Variants in FAM124A observed in about 807,000 individuals in gnomAD.
FAM124A encodes the protein protein FAM124A.
A neutral mutation model predicts 24.5 loss-of-function variants in FAM124A; 23 were observed. The observed-to-expected ratio is 0.94, with a 90% CI of 0.68 to 1.33. The LOEUF (loss-of-function observed/expected upper bound fraction) is 1.33, where lower values mean the gene tolerates loss of function less well. Among genes scored for constraint, FAM124A ranks in the 40% most tolerant of loss-of-function variants. The pLI is 0.00. For synonymous variants in FAM124A, 287 were observed against 314.7 expected (o/e 0.91, Z 0.93); for missense variants, 623 against 722.8 (o/e 0.86, Z 1.58).
chr13:51,236,034 T>A (rs1031931586), intron 2 of FAM124A, among the ~76,000 whole-genome samples: 12 of 152,192 alleles, frequency 7.9e-5, no homozygotes, highest in African/African-American at 2.9e-4. Context: ...TCCTGCTCTG[T>A]CCCTCCAGTA....
intron 2 of FAM124A, among the ~76,000 whole-genome samples, chr13:51,242,389 A>G (rs900198440): frequency 2.6e-5 from 4 of 152,220 alleles, no homozygotes; most frequent in East Asian, 1.9e-4. Flanking sequence ...AGCATGGTAC[A>G]TTGCTGGGTG....
At chr13:51,257,489 G>T (rs760361481) in intron 3 of FAM124A, among the ~76,000 whole-genome samples, 33 of 152,224 alleles carry the variant, frequency 2.2e-4, no homozygotes, top group Non-Finnish European at 4.6e-4. Context: ...GACCATTTGT[G>T]TGCGTGTGCT....
At chr13:51,223,622 G>GGGCC (rs1954285665) in intron 1 of FAM124A, among the ~76,000 whole-genome samples, 1 of 152,088 alleles carries the variant, frequency 6.6e-6, no homozygotes, top group South Asian at 2.1e-4. Context: ...GCTCCCCACA[G>GGGCC]GGCCCCTCCT....
At chr13:51,226,952 G>C (rs934677000) in intron 1 of FAM124A, among the ~76,000 whole-genome samples, 14 of 152,312 alleles carry the variant, frequency 9.2e-5, no homozygotes, top group Admixed American at 3.3e-4. Flanking sequence ...GGGTTGGTGT[G>C]AGGATTAAAT....
chr13:51,269,952 A>G (rs1954824047), intron 3 of FAM124A, among the ~76,000 whole-genome samples: 1 of 152,244 alleles, frequency 6.6e-6, no homozygotes, highest in African/African-American at 2.4e-5. Context: ...ACGTACAGCC[A>G]GAATCCCAGG....
intron 1 of FAM124A, 129 bp downstream of exon 1, chr13:51,222,698 C>A: frequency 2.1e-6 from 2 of 955,212 alleles, no homozygotes; most frequent in Non-Finnish European, 1.3e-6. Flanking sequence ...CCTGCCGGAT[C>A]CCCCGCTCTC....
chr13:51,225,723 T>TACCC (rs1954308570), intron 1 of FAM124A, among the ~76,000 whole-genome samples: 1 of 151,720 alleles, frequency 6.6e-6, no homozygotes, highest in Non-Finnish European at 1.5e-5. Flanking sequence ...CACAGCGGGG[T>TACCC]GGTGGAGGCA....
At chr13:51,250,933 C>T (rs998506899) in intron 2 of FAM124A, among the ~76,000 whole-genome samples, 1 of 152,232 alleles carries the variant, frequency 6.6e-6, no homozygotes, top group African/African-American at 2.4e-5. Flanking sequence ...CCTTGTGCCT[C>T]ACTCCCTGTG....
intron 2 of FAM124A, among the ~76,000 whole-genome samples, chr13:51,239,698 C>T (rs1191986714): frequency 6.6e-6 from 1 of 152,112 alleles, no homozygotes; most frequent in East Asian, 1.9e-4. Context: ...AAAAACTGTA[C>T]TCTTTAAAGC....
rs139061272 is a variant in FAM124A, at chr13:51,252,064, C to A, written c.697C>A (p.Pro233Thr). Residue 233 changes from proline (P) to threonine (T), a missense_variant, in exon 3 of 4, where the codon CCC becomes ACC. Coordinates refer to ENST00000322475, the MANE Select transcript of FAM124A (RefSeq NM_001242312.2). ...KRLPCDQCPV[P>T]TDSSVLEFRV... ...ACTGCCCTGTGACCAGTGCCCGGTG[C>A]CCACCGACTCCTCCGTGCTGGAGTT... 3 of 1,613,968 alleles carry A rather than the reference C, an allele frequency of 1.9e-6. No homozygotes were observed. In the African/African-American group the frequency reaches 4.0e-5, roughly 22 times the overall value.
At chr13:51,223,546 C>G (rs1482132464) in intron 1 of FAM124A, among the ~76,000 whole-genome samples, 1 of 152,128 alleles carries the variant, frequency 6.6e-6, no homozygotes, top group Admixed American at 6.5e-5. Flanking sequence ...ATTTGGCAAC[C>G]CTGTGAGGGC....
At chr13:51,226,679 G>A (rs1179615081) in intron 1 of FAM124A, among the ~76,000 whole-genome samples, 1 of 152,178 alleles carries the variant, frequency 6.6e-6, no homozygotes, top group Non-Finnish European at 1.5e-5. Flanking sequence ...ACAGAAACAA[G>A]GGCTGTCAGG....
At chr13:51,277,783 A>G (rs984655461) in intron 3 of FAM124A, among the ~76,000 whole-genome samples, 1 of 103,842 alleles carries the variant, frequency 9.6e-6, no homozygotes, top group Non-Finnish European at 1.8e-5. Context: ...ACAGAGCGAG[A>G]CTCTGTCTCA....
intron 1 of FAM124A, among the ~76,000 whole-genome samples, chr13:51,224,803 G>A (rs914056123): frequency 2.6e-5 from 4 of 152,166 alleles, no homozygotes; most frequent in South Asian, 2.1e-4. Context: ...GGAATTTAAC[G>A]TGGCCTATAT....
intron 1 of FAM124A, among the ~76,000 whole-genome samples, chr13:51,223,793 C>T (rs1242603606): frequency 6.6e-6 from 1 of 151,676 alleles, no homozygotes; most frequent in Non-Finnish European, 1.5e-5. Context: ...CTTTCTTCTT[C>T]CCACTCTTTG....
chr13:51,278,544 A>T (rs1954906468), intron 3 of FAM124A, among the ~76,000 whole-genome samples: 1 of 152,180 alleles, frequency 6.6e-6, no homozygotes, highest in South Asian at 2.1e-4. Flanking sequence ...AGCGATGTGG[A>T]GGCTCCTCAA....
chr13:51,238,746 A>G (rs1014634108), intron 2 of FAM124A, among the ~76,000 whole-genome samples: 1 of 152,192 alleles, frequency 6.6e-6, no homozygotes, highest in African/African-American at 2.4e-5. Flanking sequence ...TTGTTATTTC[A>G]TGGTGTGGGG....
intron 2 of FAM124A, among the ~76,000 whole-genome samples, chr13:51,240,004 A>G (rs972056376): frequency 1.3e-5 from 2 of 152,230 alleles, no homozygotes; most frequent in Non-Finnish European, 2.9e-5. Context: ...GACTACAGTA[A>G]CAGCCACAGC....
Position 51,280,856 on chromosome 13 carries a change from T to C in FAM124A, c.1241T>C (p.Val414Ala), listed in dbSNP as rs1219959514. The C allele has an allele frequency of 1.2e-6, 2 of 1,614,164 alleles. No homozygotes were observed. Among genetic ancestry groups the C allele is most frequent in the Non-Finnish European group, 1.7e-6 (2 of 1,180,036 alleles). The change falls in exon 4 of 4, where the codon GTG becomes GCG. Residue 414 changes from valine to alanine, a missense_variant. Val to Ala is a moderately conservative substitution (Grantham distance 64). Coordinates refer to ENST00000322475, the MANE Select transcript of FAM124A (RefSeq NM_001242312.2). ...DDLEGAQETD[V>A]DTGLRLSSSD... The stretch of plus-strand genomic sequence containing the variant: ...CTAGAGGGGGCCCAGGAGACAGACG[T>C]GGACACAGGCCTGCGGCTGTCCTCA...
Sources: allele counts gnomAD v4.1 joint callset (sites outside exome capture counted in the v4.1 genomes callset), GRCh38; gene constraint gnomAD v4.1.1; transcripts MANE v1.5; gene names NCBI Gene and HGNC (gene_info 2026-07-23, HGNC 2026-07-21).